NETO1: variants seen among roughly 807,000 people sequenced by gnomAD.
NETO1 encodes the protein neuropilin and tolloid-like protein 1.
A neutral mutation model predicts 61.3 loss-of-function variants in NETO1; 26 were observed. The observed-to-expected ratio is 0.42, with a 90% CI of 0.31 to 0.59. The LOEUF (loss-of-function observed/expected upper bound fraction) is 0.59. NETO1 is among the 20% of genes least tolerant of loss of function. The probability of loss-of-function intolerance (pLI) is 0.12; values close to 1 mark genes in which losing one functional copy is unlikely to be tolerated. For synonymous variants in NETO1, 225 were observed against 225.8 expected, an observed-to-expected ratio of 1.00 and a Z score of 0.03; for missense variants, 531 against 662.8, an observed-to-expected ratio of 0.80 and a Z score of 2.18.
chr18:72,764,999 G>A (rs1267431294), intron 7 of NETO1, among the ~76,000 whole-genome samples: 1 of 152,078 alleles, frequency 6.6e-6, no homozygotes, highest in Non-Finnish European at 1.5e-5. Context: ...GGAGTTCAGG[G>A]ACACAGAAAC....
intron 2 of NETO1, 51 bp from the exon 3 acceptor site, chr18:72,864,996 T>C (rs1279988434): frequency 1.3e-6 from 2 of 1,557,606 alleles, no homozygotes; most frequent in Non-Finnish European, 1.7e-6. Flanking sequence ...CAATTTTCTA[T>C]TGTACTAAAA....
At position 72,748,052 on chromosome 18, in the gene NETO1, AT is replaced by A. The variant is rs1450064083; in HGVS notation, c.*126del. The A allele has an allele frequency of 5.3e-6, 4 of 756,406 alleles. No homozygotes were observed. In the African/African-American group the frequency reaches 7.6e-5, roughly 14 times the overall value. The allele number at this position is 756,406 out of a possible 1,614,324, so 46.9% of individuals were successfully genotyped here. A position where few individuals can be genotyped will look rare whatever the true frequency, so the allele number is the denominator to read the frequency against. On this transcript the variant is annotated 3_prime_UTR_variant, in exon 11 of 11. Transcript: ENST00000327305. ...GCCGAAGGAATAACAAATGTCTGTA[AT>A]TCTTAAGTTTGGATAAAGGCAGTGG...
At chr18:72,790,859 T>TG (rs2072090572) in intron 6 of NETO1, among the ~76,000 whole-genome samples, 1 of 152,132 alleles carries the variant, frequency 6.6e-6, no homozygotes, top group Non-Finnish European at 1.5e-5. Flanking sequence ...ACATTGTGCT[T>TG]GGCACTGGGT....
chr18:72,783,606 C>A, intron 7 of NETO1, 72 bp downstream of exon 7: 1 of 1,289,218 alleles, frequency 7.8e-7, no homozygotes, highest in Non-Finnish European at 1.1e-6. Context: ...AAGAAAACAC[C>A]ATTAACAGCT....
intron 7 of NETO1, among the ~76,000 whole-genome samples, chr18:72,765,870 A>T (rs1261070941): frequency 6.6e-6 from 1 of 152,236 alleles, no homozygotes; most frequent in Non-Finnish European, 1.5e-5. Flanking sequence ...TGAGTAATCA[A>T]CTGAAGATGC....
intron 7 of NETO1, among the ~76,000 whole-genome samples, chr18:72,759,896 T>A (rs1251316790): frequency 6.6e-6 from 1 of 152,164 alleles, no homozygotes; most frequent in East Asian, 1.9e-4. Context: ...GAAGTAACAA[T>A]CCAAATGCCA....
At chr18:72,794,082 C>T (rs1349095558) in intron 6 of NETO1, 35 bp downstream of exon 6, 3 of 1,613,762 alleles carry the variant, frequency 1.9e-6, no homozygotes, top group Non-Finnish European at 2.5e-6. Context: ...TTCTCAACGT[C>T]AGCTGTCAAG....
intron 4 of NETO1, among the ~76,000 whole-genome samples, chr18:72,843,059 G>A (rs1294208742): frequency 1.3e-5 from 2 of 151,986 alleles, no homozygotes; most frequent in Non-Finnish European, 2.9e-5. Flanking sequence ...AATTTTATGG[G>A]GAAATTTGGG....
rs1175364587 is a variant in NETO1, at chr18:72,779,957, T to TG, written c.868+3720dup. Among the ~76,000 whole-genome samples, 18 of 152,112 alleles carry TG rather than the reference T, an allele frequency of 1.2e-4. 1 individual carries two copies. The highest frequency in any genetic ancestry group is 1.2e-3 in the Admixed American group (18 of 15,260). On this transcript the variant is annotated intron_variant, in intron 7 of 10. Coordinates refer to ENST00000327305, the MANE Select transcript of NETO1 (RefSeq NM_138966.5). ...ACGTTCTAGCTGTGTTCTCACCTGGTGGAAAGGGCAAGGCTGCTCTCTGGG... is the reference window on the plus strand; with the variant it reads ...ACGTTCTAGCTGTGTTCTCACCTGGTGGGAAAGGGCAAGGCTGCTCTCTGGG...
In NETO1 at chr18:72,821,559, C is replaced by CAAAA. The variant is rs11420100; in HGVS notation, c.470-27159_470-27156dup. Among the ~76,000 whole-genome samples, 619 of 87,180 alleles carry CAAAA rather than the reference C, an allele frequency of 7.1e-3. 4 individuals are homozygous for CAAAA. Among genetic ancestry groups the CAAAA allele is most frequent in the African/African-American group, 0.022 (559 of 25,998 alleles). 57.2% of individuals were successfully genotyped at this position (87,180 alleles called of 152,430 possible). On this transcript the variant is annotated intron_variant, in intron 4 of 10. Coordinates refer to ENST00000327305, the MANE Select transcript of NETO1 (RefSeq NM_138966.5). ...CATCCTGGGCAATAAGGGTGAAACT[C>CAAAA]AAAAAAAAAAAAAAAAAAGGAATCC...
At chr18:72,779,518 T>C (rs2071668348) in intron 7 of NETO1, among the ~76,000 whole-genome samples, 1 of 152,138 alleles carries the variant, frequency 6.6e-6, no homozygotes, top group Non-Finnish European at 1.5e-5. Context: ...CTTTGCTTCC[T>C]CTTAAGTACC....
At position 72,780,688 on chromosome 18, in the gene NETO1, T is replaced by C. The variant is rs115416266; in HGVS notation, c.868+2990A>G. The stretch of plus-strand genomic sequence containing the variant: ...TCACAACTCACAAGATGAACATTTT[T>C]CCCCCTAAATTGCGCTCAAAAGTTT... On this transcript the variant is annotated intron_variant, in intron 7 of 10. Transcript: ENST00000327305. Among the ~76,000 whole-genome samples the C allele has an allele frequency of 9.6e-3, 1,459 of 152,250 alleles. 32 individuals carry two copies. Among genetic ancestry groups the C allele is most frequent in the African/African-American group, 0.033 (1,377 of 41,526 alleles).
In NETO1 at chr18:72,833,148, G is replaced by C. The variant is rs191440914; in HGVS notation, c.469+25678C>G. 7.8e-3 allele frequency among the ~76,000 whole-genome samples: 1,190 copies of C among 152,238 alleles called. 8 individuals are homozygous for C. The highest frequency in any genetic ancestry group is 0.061 in the Middle Eastern group (18 of 294). ...TTTAAATTCTCTGTAATCATCGGTAGAACTGGAGGAAACTTTGACGCATCT... is the reference window on the plus strand; with the variant it reads ...TTTAAATTCTCTGTAATCATCGGTACAACTGGAGGAAACTTTGACGCATCT... On this transcript the variant is annotated intron_variant, in intron 4 of 10. Transcript: ENST00000327305.
chr18:72,747,920 C>T lies in NETO1; in HGVS notation c.*259G>A, dbSNP rs2070467019. ...AGTCTTAATCGGGAACTAATTTCTT[C>T]TTCAAGTTTCCAGTTAATCTCAAAA... On this transcript the variant is annotated 3_prime_UTR_variant, in exon 11 of 11. Coordinates refer to ENST00000327305, the MANE Select transcript of NETO1 (RefSeq NM_138966.5). 2 of 154,980 alleles carry T rather than the reference C, an allele frequency of 1.3e-5. No homozygotes were observed. Among genetic ancestry groups the T allele is most frequent in the Admixed American group, 1.3e-4 (2 of 15,272 alleles). The allele number at this position is 154,980 out of a possible 1,614,324, so 9.6% of individuals were successfully genotyped here.
intron 4 of NETO1, among the ~76,000 whole-genome samples, chr18:72,817,340 C>T (rs1443959956): frequency 6.6e-6 from 1 of 152,192 alleles, no homozygotes; most frequent in African/African-American, 2.4e-5. Context: ...CAGCTTAATT[C>T]CCAGCTATGG....
At chr18:72,771,873 C>T (rs1406548284) in intron 7 of NETO1, among the ~76,000 whole-genome samples, 1 of 152,090 alleles carries the variant, frequency 6.6e-6, no homozygotes, top group Non-Finnish European at 1.5e-5. Context: ...AATTTACCCA[C>T]CAGCTTAAAA....
intron 7 of NETO1, among the ~76,000 whole-genome samples, chr18:72,774,628 T>A (rs1310459335): frequency 6.6e-6 from 1 of 152,208 alleles, no homozygotes; most frequent in Non-Finnish European, 1.5e-5. Flanking sequence ...GATGAATTCT[T>A]TATCGCAAAT....
chr18:72,763,790 G>C (rs1244689157), intron 7 of NETO1, among the ~76,000 whole-genome samples: 2 of 152,162 alleles, frequency 1.3e-5, no homozygotes, highest in Non-Finnish European at 2.9e-5. Flanking sequence ...AAACAGCTTG[G>C]AGTATGTATT....
intron 4 of NETO1, among the ~76,000 whole-genome samples, chr18:72,799,847 C>G (rs982894777): frequency 3.3e-5 from 5 of 152,228 alleles, no homozygotes; most frequent in African/African-American, 1.2e-4. Flanking sequence ...TCCCTGGCAA[C>G]ACATTTCAGT....
Sources: allele counts gnomAD v4.1 joint callset (sites outside exome capture counted in the v4.1 genomes callset), GRCh38; gene constraint gnomAD v4.1.1; transcripts MANE v1.5; gene names NCBI Gene and HGNC (gene_info 2026-07-23, HGNC 2026-07-21).